The following IL17RB variants were observed in gnomAD, a reference collection of about 807,000 sequenced individuals.
IL17RB encodes the protein interleukin-17 receptor B.
In IL17RB, 36 loss-of-function variants were observed where a neutral mutation model predicts 43.9. That is an observed-to-expected ratio of 0.82 (90% CI 0.63 to 1.08). IL17RB has a LOEUF of 1.08. IL17RB is among the 50% of genes least tolerant of loss of function. The probability of loss-of-function intolerance (pLI) is 0.00; values close to 1 mark genes in which losing one functional copy is unlikely to be tolerated. For synonymous variants in IL17RB, 225 were observed against 225.4 expected, an observed-to-expected ratio of 1.00 and a Z score of 0.02; for missense variants, 613 against 613.6, an observed-to-expected ratio of 1.00 and a Z score of 0.01.
chr3:53,854,985 C>G (rs939978209), intron 5 of IL17RB, among the ~76,000 whole-genome samples: 1 of 151,900 alleles, frequency 6.6e-6, no homozygotes, highest in African/African-American at 2.4e-5. Flanking sequence ...GGCGTGGTGG[C>G]GGGCGCCTGT....
chr3:53,857,190 CCTT>C (rs1457289553), intron 7 of IL17RB, among the ~76,000 whole-genome samples: 1 of 152,140 alleles, frequency 6.6e-6, no homozygotes, highest in Admixed American at 6.5e-5. Flanking sequence ...GGAAATGAGC[CCTT>C]CTTTACACAT....
At chr3:53,850,947 T>C (rs1699120978) in intron 3 of IL17RB, among the ~76,000 whole-genome samples, 1 of 152,220 alleles carries the variant, frequency 6.6e-6, no homozygotes, top group Non-Finnish European at 1.5e-5. Flanking sequence ...CATCAAGTGG[T>C]ACACTTATGT....
chr3:53,855,190 A>G (rs1389002173), intron 5 of IL17RB, 104 bp from the exon 6 acceptor site: 8 of 517,104 alleles, frequency 1.5e-5, no homozygotes, highest in East Asian at 3.3e-5. Context: ...TGTTTTGGCA[A>G]TTTGTTACAG....
At chr3:53,856,183 G>C (rs572861248) in intron 6 of IL17RB, among the ~76,000 whole-genome samples, 4 of 152,222 alleles carry the variant, frequency 2.6e-5, no homozygotes, top group Non-Finnish European at 5.9e-5. Context: ...CCTAAAGACA[G>C]TTCTGAGCCA....
At position 53,864,905 on chromosome 3, in the gene IL17RB, A is replaced by G. The variant is rs1383848696; in HGVS notation, c.1106A>G (p.Gln369Arg). The stretch of plus-strand genomic sequence containing the variant: ...AGTGAGGTCATCCTTGAAAAGTGGC[A>G]GAAAAAGAAAATAGCAGAGATGGGT... ...CRSEVILEKW[Q>R]KKKIAEMGPV... The change falls in exon 11 of 11, where the codon CAG (glutamine) becomes CGG (arginine). Residue 369 changes from glutamine to arginine, a missense_variant. Coordinates refer to ENST00000288167, the MANE Select transcript of IL17RB (RefSeq NM_018725.4). 6.2e-7 allele frequency: 1 copy of G among 1,614,250 alleles called. No individual in the cohort carries two copies. Among genetic ancestry groups the G allele is most frequent in the Non-Finnish European group, 8.5e-7 (1 of 1,180,040 alleles).
At chr3:53,846,752 C>A in intron 1 of IL17RB, 104 bp downstream of exon 1, 1 of 1,264,550 alleles carries the variant, frequency 7.9e-7, no homozygotes, top group Non-Finnish European at 1.1e-6. Flanking sequence ...CGTGCGCGGA[C>A]TGCCGGCTCA....
chr3:53,865,290 T>C lies in IL17RB; in HGVS notation c.1491T>C (p.Asp497=), dbSNP rs373940786. 5.5e-5 allele frequency: 88 copies of C among 1,606,144 alleles called. No individual in the cohort carries two copies. Among genetic ancestry groups the C allele is most frequent in the Non-Finnish European group, 6.8e-5 (80 of 1,179,752 alleles). The part of the protein sequence containing the change: ...SAGKRSQACH[D]GCCSL ...GAAAAAGATCACAAGCCTGCCACGATGGCTGCTGCTCCTTGTAGCCCACCC... is the reference window on the plus strand; with the variant it reads ...GAAAAAGATCACAAGCCTGCCACGACGGCTGCTGCTCCTTGTAGCCCACCC... Residue 497 remains aspartate, a synonymous_variant, in exon 11 of 11, where the codon GAT becomes GAC. Transcript: ENST00000288167.
chr3:53,857,342 G>C (rs551015736), intron 7 of IL17RB, among the ~76,000 whole-genome samples: 188 of 152,324 alleles, frequency 1.2e-3, no homozygotes, highest in African/African-American at 3.9e-3. Flanking sequence ...CTGGAATGCA[G>C]TGGCACAATC....
chr3:53,865,221 T>C lies in IL17RB; in HGVS notation c.1422T>C (p.Ala474=). ...PKYHLMKDAT[A]FCAELLHVKQ... is the part of the protein sequence containing the mutation. The stretch of plus-strand genomic sequence containing the variant: ...ACCACCTCATGAAGGATGCCACTGC[T>C]TTCTGTGCAGAACTTCTCCATGTCA... The change falls in exon 11 of 11, where the codon GCT becomes GCC. Residue 474 remains alanine (A), a synonymous_variant. Coordinates refer to ENST00000288167, the MANE Select transcript of IL17RB (RefSeq NM_018725.4). 1.9e-6 allele frequency: 3 copies of C among 1,613,912 alleles called. No homozygotes were observed. The highest frequency in any genetic ancestry group is 4.5e-5 in the East Asian group (2 of 44,880).
Position 53,864,892 on chromosome 3 carries a change from C to T in IL17RB, c.1093C>T (p.Leu365Phe). Residue 365 changes from leucine (L) to phenylalanine (F), a missense_variant, in exon 11 of 11, where the codon CTT becomes TTT. By Grantham distance (22) the Leu-to-Phe change is conservative. Coordinates refer to ENST00000288167, the MANE Select transcript of IL17RB (RefSeq NM_018725.4). ...AAACCATTGCAGAAGTGAGGTCATC[C>T]TTGAAAAGTGGCAGAAAAAGAAAAT... Reference protein sequence around the residue: ...LQNHCRSEVILEKWQKKKIAE... With the variant: ...LQNHCRSEVIFEKWQKKKIAE... 13 of 1,614,070 alleles carry T rather than the reference C, an allele frequency of 8.1e-6. No homozygotes were observed. The highest frequency in any genetic ancestry group is 1.0e-5 in the Non-Finnish European group (12 of 1,179,966).
intron 1 of IL17RB, 35 bp downstream of exon 1, chr3:53,846,683 C>T: frequency 1.3e-6 from 2 of 1,558,482 alleles, no homozygotes; most frequent in Non-Finnish European, 1.7e-6. Flanking sequence ...CCTCATCTCC[C>T]GGCCCTCGAG....
At chr3:53,864,654 T>C in intron 10 of IL17RB, 92 bp from the exon 11 acceptor site, 4 of 973,432 alleles carry the variant, frequency 4.1e-6, no homozygotes, top group Non-Finnish European at 6.2e-6. Flanking sequence ...GCTGACATTC[T>C]CTAGCAAGGG....
rs1699751485 is a variant in IL17RB at position 53,865,395 on chromosome 3, T to C, written c.*87T>C. Reference sequence around the variant, plus strand: ...CGTGTGATGATCCTGAAGCTTACTATGCAGCCTACAAACAGCCTTAGTAAT... The same window carrying C: ...CGTGTGATGATCCTGAAGCTTACTACGCAGCCTACAAACAGCCTTAGTAAT... On this transcript the variant is annotated 3_prime_UTR_variant, in exon 11 of 11. Coordinates refer to ENST00000288167, the MANE Select transcript of IL17RB (RefSeq NM_018725.4). 5 of 1,042,396 alleles carry C rather than the reference T, an allele frequency of 4.8e-6. No homozygotes were observed. Among genetic ancestry groups the C allele is most frequent in the Non-Finnish European group, 6.8e-6 (5 of 732,588 alleles). The allele number at this position is 1,042,396 out of a possible 1,614,324, so 64.6% of individuals were successfully genotyped here.
intron 3 of IL17RB, 138 bp from the exon 4 acceptor site, chr3:53,851,861 A>G: frequency 1.0e-6 from 1 of 955,934 alleles, no homozygotes; most frequent in Non-Finnish European, 1.6e-6. Flanking sequence ...TAAACTGGAG[A>G]CAGTGGTGCC....
Position 53,864,967 on chromosome 3 carries a change from G to A in IL17RB, c.1168G>A (p.Asp390Asn), listed in dbSNP as rs1191276168. 1 of 1,614,170 alleles carries A rather than the reference G, an allele frequency of 6.2e-7. No homozygotes were observed. Among genetic ancestry groups the A allele is most frequent in the Non-Finnish European group, 8.5e-7 (1 of 1,180,000 alleles). Residue 390 changes from aspartate (D) to asparagine (N), a missense_variant, in exon 11 of 11, where the codon GAC (aspartate) becomes AAC (asparagine). Coordinates refer to ENST00000288167, the MANE Select transcript of IL17RB (RefSeq NM_018725.4). ...QWLATQKKAA[D>N]KVVFLLSNDV... Reference sequence around the variant, plus strand: ...GCTTGCCACTCAAAAGAAGGCAGCAGACAAAGTCGTCTTCCTTCTTTCCAA... The same window carrying A: ...GCTTGCCACTCAAAAGAAGGCAGCAAACAAAGTCGTCTTCCTTCTTTCCAA...
chr3:53,849,883 C>T (rs4687751), intron 3 of IL17RB, 88 bp downstream of exon 3: 790,420 of 1,293,624 alleles, frequency 0.61, 244,545 homozygotes, highest in Non-Finnish European at 0.64. Context: ...TCCCCTTCTA[C>T]GCATAACCAA....
chr3:53,860,303 C>T (rs1699515599), intron 10 of IL17RB, 75 bp downstream of exon 10: 1 of 1,215,788 alleles, frequency 8.2e-7, no homozygotes, highest in Non-Finnish European at 1.2e-6. Flanking sequence ...GAAGATTCCT[C>T]TGGAGGCAAT....
rs560598443 is a variant in IL17RB, at chr3:53,853,078, C to T, written c.481+81C>T. ...ATATGCACAGAGAGAGCCCAGGGAA[C>T]CCTGGATAAGGCTTTTGGCCTTGCT... On this transcript the variant is annotated intron_variant, in intron 5 of 10. Transcript: ENST00000288167. The T allele has an allele frequency of 9.9e-5, 154 of 1,552,360 alleles. 1 individual carries two copies. In the South Asian group the frequency reaches 1.3e-3, roughly 13 times the overall value.
chr3:53,852,117 T>C lies in IL17RB; in HGVS notation c.345T>C (p.Ser115=). The stretch of plus-strand genomic sequence containing the variant: ...CCTTCCAGACTCAGACCAGACCCTC[T>C]GGTGGTAAAGTAAGCACTTTTTTGT... ...TEAFQTQTRP[S]GGKWTFSYIG... The change falls in exon 4 of 11, where the codon TCT becomes TCC. Residue 115 remains serine, a synonymous_variant. Transcript: ENST00000288167. 6.2e-7 allele frequency: 1 copy of C among 1,614,076 alleles called. No homozygotes were observed. Among genetic ancestry groups the C allele is most frequent in the Non-Finnish European group, 8.5e-7 (1 of 1,179,996 alleles).
Sources: allele counts gnomAD v4.1 joint callset (sites outside exome capture counted in the v4.1 genomes callset), GRCh38; gene constraint gnomAD v4.1.1; transcripts MANE v1.5; gene names NCBI Gene and HGNC (gene_info 2026-07-23, HGNC 2026-07-21).